Variants in MAML3 observed in about 807,000 individuals in gnomAD.
The protein encoded by MAML3 is mastermind-like protein 3.
Under a neutral mutation model 101.9 loss-of-function variants are expected in MAML3, and 27 were observed. The observed-to-expected ratio is 0.27, with a 90% CI of 0.20 to 0.37. The LOEUF (loss-of-function observed/expected upper bound fraction) is 0.37, where lower values mean the gene tolerates loss of function less well. Among genes scored for constraint, MAML3 ranks in the 10% least tolerant of loss-of-function variants. MAML3 has a pLI of 1.00. For missense variants in MAML3, 1,316 were observed against 1,444.9 expected (o/e 0.91, Z 1.45); for synonymous variants, 501 against 555.9 (o/e 0.90, Z 1.39).
chr4:139,855,465 T>C (rs540679350), intron 2 of MAML3, among the ~76,000 whole-genome samples: 42 of 152,364 alleles, frequency 2.8e-4, no homozygotes, highest in African/African-American at 9.4e-4. Flanking sequence ...TCCTCTGTTT[T>C]TCAACACATG....
intron 1 of MAML3, among the ~76,000 whole-genome samples, chr4:139,909,401 G>A (rs1362363686): frequency 6.6e-6 from 1 of 152,068 alleles, no homozygotes. Flanking sequence ...TCTCAACATC[G>A]CTGAAAGAAA....
intron 1 of MAML3, among the ~76,000 whole-genome samples, chr4:139,919,618 G>C (rs574042253): frequency 7.2e-5 from 11 of 152,312 alleles, no homozygotes; most frequent in African/African-American, 2.4e-4. Context: ...GAAGGACTGA[G>C]GGAGGCGAAC....
At chr4:139,958,945 T>A (rs1733960325) in intron 1 of MAML3, among the ~76,000 whole-genome samples, 1 of 152,192 alleles carries the variant, frequency 6.6e-6, no homozygotes, top group Admixed American at 6.5e-5. Flanking sequence ...TCTTTGTTGA[T>A]TTTTCTTGCT....
intron 1 of MAML3, among the ~76,000 whole-genome samples, chr4:139,944,740 C>T (rs1251299925): frequency 6.8e-6 from 1 of 146,128 alleles, no homozygotes; most frequent in Non-Finnish European, 1.5e-5. Context: ...AAATCAAAAC[C>T]ACAATGAGAT....
At chr4:139,888,552 G>A (rs1380271916) in intron 2 of MAML3, 1 of 519,042 alleles carries the variant, frequency 1.9e-6, no homozygotes, top group Non-Finnish European at 3.8e-6. Context: ...TCAGGATGAA[G>A]AGACTGAAAA....
At chr4:139,863,156 A>G (rs1404780014) in intron 2 of MAML3, among the ~76,000 whole-genome samples, 1 of 148,160 alleles carries the variant, frequency 6.7e-6, no homozygotes, top group African/African-American at 2.5e-5. Flanking sequence ...TCTCCAAAAA[A>G]AAAAAAAAAA....
chr4:140,005,522 C>T (rs1196286306), intron 1 of MAML3, among the ~76,000 whole-genome samples: 1 of 152,194 alleles, frequency 6.6e-6, no homozygotes, highest in Non-Finnish European at 1.5e-5. Context: ...ATAGGGCTTG[C>T]TCTTTTAAAT....
At chr4:139,914,089 G>A (rs1732982547) in intron 1 of MAML3, among the ~76,000 whole-genome samples, 1 of 152,016 alleles carries the variant, frequency 6.6e-6, no homozygotes, top group Admixed American at 6.6e-5. Flanking sequence ...ATTTTTAAAA[G>A]CATTTAGACT....
rs1733983680 is a variant in MAML3, at chr4:139,960,019, A to AG, written c.469-69053dup. 1.3e-5 allele frequency among the ~76,000 whole-genome samples: 2 copies of AG among 152,196 alleles called. 1 individual carries two copies. The highest frequency in any genetic ancestry group is 4.8e-5 in the African/African-American group (2 of 41,454). The stretch of plus-strand genomic sequence containing the variant: ...AGCAGAGACTATCATTTAGCTGGAG[A>AG]GAACCACAGAGATCCAAGTACATGC... On this transcript the variant is annotated intron_variant, in intron 1 of 4. Transcript: ENST00000509479.
chr4:139,812,478 CAG>C (rs1324739897), intron 2 of MAML3, among the ~76,000 whole-genome samples: 1 of 152,176 alleles, frequency 6.6e-6, no homozygotes, highest in African/African-American at 2.4e-5. Flanking sequence ...AAAGTAGAAA[CAG>C]AGAGTTCTGG....
At chr4:139,800,466 A>G (rs1730584506) in intron 2 of MAML3, among the ~76,000 whole-genome samples, 1 of 152,226 alleles carries the variant, frequency 6.6e-6, no homozygotes. Context: ...GAATAAATGA[A>G]GATGAAAAAG....
At chr4:140,100,074 C>T (rs990063325) in intron 1 of MAML3, among the ~76,000 whole-genome samples, 1 of 151,814 alleles carries the variant, frequency 6.6e-6, no homozygotes, top group African/African-American at 2.4e-5. Context: ...CCCCACGTTC[C>T]AGGCACCCAG....
At chr4:139,863,832 GTT>G (rs58270046) in intron 2 of MAML3, among the ~76,000 whole-genome samples, 12 of 111,296 alleles carry the variant, frequency 1.1e-4, no homozygotes, top group South Asian at 7.6e-4. Context: ...CAGAACATGG[GTT>G]TTTTTTTTTT....
intron 1 of MAML3, among the ~76,000 whole-genome samples, chr4:139,911,405 A>G (rs1015670102): frequency 1.3e-5 from 2 of 152,070 alleles, no homozygotes; most frequent in Non-Finnish European, 2.9e-5. Flanking sequence ...TTTAGTAGAG[A>G]CAGGATTTCA....
chr4:139,867,489 C>T (rs930280332), intron 2 of MAML3, among the ~76,000 whole-genome samples: 1 of 152,198 alleles, frequency 6.6e-6, no homozygotes, highest in Admixed American at 6.5e-5. Context: ...ATACCAAGCT[C>T]CTGACAGTCA....
chr4:139,741,657 G>A (rs1261374264), intron 2 of MAML3, among the ~76,000 whole-genome samples: 1 of 152,178 alleles, frequency 6.6e-6, no homozygotes, highest in Non-Finnish European at 1.5e-5. Context: ...TGAGGTGGGA[G>A]GATCGCTTGA....
chr4:139,927,669 C>T (rs56375099), intron 1 of MAML3, among the ~76,000 whole-genome samples: 29,052 of 152,076 alleles, frequency 0.19, 3,556 homozygotes, highest in East Asian at 0.29. Context: ...CTGGCTATTA[C>T]GTTATTCTGT....
chr4:139,771,160 C>T (rs532250015), intron 2 of MAML3, among the ~76,000 whole-genome samples: 29 of 152,308 alleles, frequency 1.9e-4, no homozygotes, highest in African/African-American at 6.7e-4. Context: ...TGATGTATTA[C>T]GCTGCACATC....
intron 1 of MAML3, among the ~76,000 whole-genome samples, chr4:140,084,212 A>G (rs1727914470): frequency 6.6e-6 from 1 of 152,226 alleles, no homozygotes; most frequent in African/African-American, 2.4e-5. Context: ...CTGAAAATCT[A>G]AATTACTAGA....
Sources: gnomAD v4.1 joint callset for allele counts (sites outside exome capture counted in the v4.1 genomes callset) on GRCh38, gnomAD v4.1.1 for gene constraint, MANE v1.5 for transcripts, NCBI Gene and HGNC (gene_info 2026-07-23, HGNC 2026-07-21) for gene names.